Variants in HIRA observed in about 807,000 individuals in gnomAD.
HIRA encodes protein HIRA.
Under a neutral mutation model 126.6 loss-of-function variants are expected in HIRA, and 13 were observed. That is an observed-to-expected ratio of 0.10 (90% CI 0.07 to 0.16). The LOEUF (loss-of-function observed/expected upper bound fraction) is 0.16. Among genes scored for constraint, HIRA ranks in the 10% least tolerant of loss-of-function variants. HIRA has a pLI of 1.00. For missense variants in HIRA, 834 were observed against 1,314.4 expected (o/e 0.63, Z 5.65); for synonymous variants, 511 against 520.0 (o/e 0.98, Z 0.24).
intron 13 of HIRA, among the ~76,000 whole-genome samples, chr22:19,380,300 G>A (rs1164576182): frequency 6.6e-6 from 1 of 152,184 alleles, no homozygotes; most frequent in Non-Finnish European, 1.5e-5. Flanking sequence ...TGTATGTAAT[G>A]ATAAGTTATG....
intron 24 of HIRA, among the ~76,000 whole-genome samples, chr22:19,341,067 G>A (rs560167154): frequency 2.8e-4 from 42 of 152,292 alleles, no homozygotes; most frequent in African/African-American, 9.9e-4. Flanking sequence ...TGTAATTCCA[G>A]CACTTTGGGA....
At chr22:19,391,760 G>A (rs1221556046) in intron 9 of HIRA, among the ~76,000 whole-genome samples, 3 of 152,174 alleles carry the variant, frequency 2.0e-5, no homozygotes, top group Non-Finnish European at 2.9e-5. Context: ...GATTACAGGC[G>A]TGAGCCACCG....
At chr22:19,359,524 C>T (rs373189208) in intron 17 of HIRA, 40 bp from the exon 18 acceptor site, 24 of 1,519,470 alleles carry the variant, frequency 1.6e-5, no homozygotes, top group East Asian at 1.0e-4. Flanking sequence ...AGACAAGGGC[C>T]GCAGCCCAGG....
chr22:19,365,717 A>G (rs1364741771), intron 15 of HIRA: 1 of 152,258 alleles, frequency 6.6e-6, no homozygotes, highest in Non-Finnish European at 1.5e-5. Context: ...GCCCATGAAC[A>G]AGGAGCATTT....
chr22:19,331,327 C>A lies in HIRA; in HGVS notation c.*113G>T. 1.3e-6 allele frequency: 2 copies of A among 1,596,700 alleles called. No homozygotes were observed. The highest frequency in any genetic ancestry group is 1.7e-6 in the Non-Finnish European group (2 of 1,177,522). The stretch of plus-strand genomic sequence containing the variant: ...GGCGCTGGTGCAGGACAGCACATCT[C>A]CTGCCAGTGTCTCCTCCCCCTACAG... On this transcript the variant is annotated 3_prime_UTR_variant, in exon 25 of 25. Coordinates refer to ENST00000263208, the MANE Select transcript of HIRA (RefSeq NM_003325.4).
rs1171795936 is a variant in HIRA at position 19,364,170 on chromosome 22, A to G, written c.1776-2239T>C. 3.9e-5 allele frequency among the ~76,000 whole-genome samples: 6 copies of G among 152,144 alleles called. No homozygotes were observed. The East Asian group carries it at 1.2e-3, about 29-fold the overall frequency. On this transcript the variant is annotated intron_variant, in intron 15 of 24. Coordinates refer to ENST00000263208, the MANE Select transcript of HIRA (RefSeq NM_003325.4). ...AACAAATAAAGTCTATTAAAAAAAA[A>G]AAGCGAGGACTGGAGAAAGACATGC... is the stretch of plus-strand genomic sequence containing the variant.
At chr22:19,355,899 C>G in intron 20 of HIRA, 34 bp from the exon 21 acceptor site, 1 of 1,427,556 alleles carries the variant, frequency 7.0e-7, no homozygotes, top group South Asian at 1.2e-5. Context: ...TCTGGGTGTG[C>G]TCTGATCAGC....
Position 19,361,786 on chromosome 22 carries a change from T to G in HIRA, c.1921A>C (p.Lys641Gln). 6.2e-7 allele frequency: 1 copy of G among 1,613,856 alleles called. No homozygotes were observed. The highest frequency in any genetic ancestry group is 8.5e-7 in the Non-Finnish European group (1 of 1,180,030). Residue 641 changes from lysine (K) to glutamine (Q), a missense_variant, in exon 16 of 25, where the codon AAG becomes CAG. Transcript: ENST00000263208. ...LELEVETVEK[K>Q]KKGRPRKDSR... ...TCCTTCCGAGGCCGCCCTTTCTTCT[T>G]CTTCTCTACTGTCTCTACCTCAAGC...
At chr22:19,348,146 C>T (rs370876108) in intron 24 of HIRA, among the ~76,000 whole-genome samples, 8 of 152,288 alleles carry the variant, frequency 5.3e-5, no homozygotes, top group South Asian at 4.1e-4. Flanking sequence ...AGTCCCTGAA[C>T]GGGATCATGG....
At chr22:19,392,371 T>C (rs988287419) in intron 8 of HIRA, among the ~76,000 whole-genome samples, 157 bp from the exon 9 acceptor site, 3 of 152,232 alleles carry the variant, frequency 2.0e-5, no homozygotes, top group Non-Finnish European at 2.9e-5. Context: ...ATGAGGCATC[T>C]GGCTGATGAT....
intron 1 of HIRA, among the ~76,000 whole-genome samples, chr22:19,426,404 A>T: frequency 6.6e-6 from 1 of 151,846 alleles, no homozygotes; most frequent in East Asian, 1.9e-4. Context: ...AAATGCTTTC[A>T]CCCTCTGGGC....
Position 19,431,645 on chromosome 22 carries a change from GC to G in HIRA, c.-170del. ...TCGCCGGCCCGCGCCCCCCTCCGCCGCCACAGCCGCCACCCGCGCTCGGCCG... is the reference window on the plus strand; with the variant it reads ...TCGCCGGCCCGCGCCCCCCTCCGCCGCACAGCCGCCACCCGCGCTCGGCCG... On this transcript the variant is annotated 5_prime_UTR_variant, in exon 1 of 25. An upstream open reading frame in the 5' UTR loses its in-frame stop. Coordinates refer to ENST00000263208, the MANE Select transcript of HIRA (RefSeq NM_003325.4). The G allele has an allele frequency of 1.6e-6, 1 of 610,266 alleles. No homozygotes were observed. Among genetic ancestry groups the G allele is most frequent in the Non-Finnish European group, 2.2e-6 (1 of 459,376 alleles). The allele number at this position is 610,266 out of a possible 1,614,324, so 37.8% of individuals were successfully genotyped here. A position where few individuals can be genotyped will look rare whatever the true frequency, so the allele number is the denominator to read the frequency against.
chr22:19,367,769 T>C (rs1031296175), intron 15 of HIRA, among the ~76,000 whole-genome samples: 5 of 152,224 alleles, frequency 3.3e-5, no homozygotes, highest in African/African-American at 9.6e-5. Flanking sequence ...GTACTTGGCA[T>C]GTAGCAAATT....
At chr22:19,343,596 A>C (rs1313500469) in intron 24 of HIRA, among the ~76,000 whole-genome samples, 1 of 151,956 alleles carries the variant, frequency 6.6e-6, no homozygotes, top group Non-Finnish European at 1.5e-5. Flanking sequence ...GTTGGAAAAC[A>C]CACTGTTATT....
intron 15 of HIRA, 54 bp downstream of exon 15, chr22:19,375,577 T>C: frequency 6.3e-7 from 1 of 1,589,420 alleles, no homozygotes; most frequent in Non-Finnish European, 8.6e-7. Flanking sequence ...ACTGTGCTGT[T>C]GACCCATGCC....
In HIRA at chr22:19,377,950, G is replaced by C; in HGVS notation, c.1532C>G (p.Ser511Cys). 6.2e-7 allele frequency: 1 copy of C among 1,613,992 alleles called. No individual in the cohort carries two copies. Among genetic ancestry groups the C allele is most frequent in the Admixed American group, 1.7e-5 (1 of 59,998 alleles). ...TGTGCAAGGCTTCGAGGCGCCGAAG[G>C]AGTTAGGGGTACTGGAGTCCAGTGG... ...LLPLDSSTPN[S>C]FGASKPCTEP... The change falls in exon 14 of 25, where the codon TCC (serine) becomes TGC (cysteine). Residue 511 changes from serine (S) to cysteine (C), a missense_variant. This residue lies in a region of HIRA where 468 missense variants were observed against 574.2 expected (regional missense o/e 0.82). Coordinates refer to ENST00000263208, the MANE Select transcript of HIRA (RefSeq NM_003325.4).
intron 5 of HIRA, among the ~76,000 whole-genome samples, chr22:19,404,375 A>AC (rs891833604): frequency 1.3e-5 from 2 of 152,182 alleles, no homozygotes; most frequent in Non-Finnish European, 2.9e-5. Context: ...CTTGAGGCCT[A>AC]CCCCACACTT....
At chr22:19,392,574 A>G (rs1325878081) in intron 8 of HIRA, among the ~76,000 whole-genome samples, 1 of 152,246 alleles carries the variant, frequency 6.6e-6, no homozygotes, top group African/African-American at 2.4e-5. Flanking sequence ...GGACCTGCAG[A>G]AAAGCTGAGC....
intron 1 of HIRA, among the ~76,000 whole-genome samples, chr22:19,412,508 G>A (rs1417823839): frequency 1.3e-5 from 2 of 152,198 alleles, no homozygotes; most frequent in Non-Finnish European, 2.9e-5. Context: ...CTTGAGCTGG[G>A]CATTTGTCAT....
Sources: allele counts gnomAD v4.1 joint callset (sites outside exome capture counted in the v4.1 genomes callset), GRCh38; gene constraint gnomAD v4.1.1; regional missense constraint gnomAD v4.1.1; transcripts MANE v1.5; gene names NCBI Gene and HGNC (gene_info 2026-07-23, HGNC 2026-07-21).